ADAMTSL1: variants seen among roughly 807,000 people sequenced by gnomAD.
The protein encoded by ADAMTSL1 is ADAMTS like 1.
ADAMTSL1 carries 126 observed loss-of-function variants against 201.8 expected under a neutral mutation model. That is an observed-to-expected ratio of 0.62 (90% CI 0.54 to 0.72). ADAMTSL1 has a LOEUF of 0.72. Ranked by LOEUF, ADAMTSL1 falls within the 30% of genes least tolerant of loss-of-function variation. The pLI, the probability that ADAMTSL1 is intolerant of heterozygous loss-of-function variation, is 0.00. For missense variants in ADAMTSL1, 2,679 were observed against 2,277.8 expected (o/e 1.18, Z -3.59); for synonymous variants, 1,121 against 903.4 (o/e 1.24, Z -4.32).
At chr9:18,196,311 A>ATG (rs371763014) in intron 2 of ADAMTSL1, among the ~76,000 whole-genome samples, 22 of 151,430 alleles carry the variant, frequency 1.5e-4, no homozygotes, top group Non-Finnish European at 2.5e-4. Flanking sequence ...GCATACGTGT[A>ATG]TGTGTGTGTG....
chr9:18,574,507 T>A (rs1265665330), intron 4 of ADAMTSL1: 2 of 583,576 alleles, frequency 3.4e-6, no homozygotes, highest in Non-Finnish European at 6.1e-6. Flanking sequence ...TATAAAAGAA[T>A]AAAAATTTTT....
intron 2 of ADAMTSL1, among the ~76,000 whole-genome samples, chr9:18,229,521 A>G (rs1193103181): frequency 1.3e-5 from 2 of 152,060 alleles, no homozygotes; most frequent in Non-Finnish European, 2.9e-5. Context: ...TTCTCTAAAG[A>G]AGAGTCTGTC....
At chr9:18,399,150 C>G (rs1225150853) in intron 2 of ADAMTSL1, among the ~76,000 whole-genome samples, 1 of 151,150 alleles carries the variant, frequency 6.6e-6, no homozygotes, top group Non-Finnish European at 1.5e-5. Flanking sequence ...CTGTTCACTG[C>G]CAAGTGTCAG....
At chr9:18,026,703 G>A (rs1820711205) in intron 1 of ADAMTSL1, among the ~76,000 whole-genome samples, 2 of 152,022 alleles carry the variant, frequency 1.3e-5, no homozygotes, top group Admixed American at 6.6e-5. Context: ...TTGGTATCAG[G>A]ACAATGCTGG....
At chr9:18,753,817 G>A (rs1819599027) in intron 16 of ADAMTSL1, among the ~76,000 whole-genome samples, 1 of 152,194 alleles carries the variant, frequency 6.6e-6, no homozygotes, top group Non-Finnish European at 1.5e-5. Context: ...TCAAGACAAT[G>A]TGGTGGGTTT....
chr9:18,154,225 T>C (rs1827046322), intron 1 of ADAMTSL1, among the ~76,000 whole-genome samples: 1 of 152,072 alleles, frequency 6.6e-6, no homozygotes, highest in Admixed American at 6.6e-5. Context: ...ATTGACCTAT[T>C]GTTATGTAAT....
intron 2 of ADAMTSL1, among the ~76,000 whole-genome samples, chr9:18,289,479 C>G (rs539050592): frequency 1.3e-5 from 2 of 152,318 alleles, no homozygotes; most frequent in Admixed American, 6.5e-5. Flanking sequence ...TGCAATGATA[C>G]AGAGTTCAGC....
intron 1 of ADAMTSL1, among the ~76,000 whole-genome samples, chr9:18,073,478 G>A (rs1052667861): frequency 6.6e-6 from 1 of 152,156 alleles, no homozygotes; most frequent in African/African-American, 2.4e-5. Flanking sequence ...CATTTACAGA[G>A]GAAATTACAT....
chr9:17,957,045 C>G (rs1827959897), intron 1 of ADAMTSL1, among the ~76,000 whole-genome samples: 2 of 152,010 alleles, frequency 1.3e-5, no homozygotes, highest in South Asian at 2.1e-4. Context: ...ACATATTTTC[C>G]TAGATTTTCA....
chr9:18,620,345 T>C (rs1158661653), intron 4 of ADAMTSL1, among the ~76,000 whole-genome samples: 1 of 152,188 alleles, frequency 6.6e-6, no homozygotes, highest in East Asian at 1.9e-4. Context: ...GATTGTAAAG[T>C]CTCATGAGAG....
At chr9:18,190,622 A>T (rs1299969745) in intron 2 of ADAMTSL1, among the ~76,000 whole-genome samples, 1 of 152,208 alleles carries the variant, frequency 6.6e-6, no homozygotes, top group East Asian at 1.9e-4. Context: ...GCTTTCTCCA[A>T]ATTTGAACCC....
At chr9:18,501,006 T>C (rs1822803326) in intron 1 of ADAMTSL1, among the ~76,000 whole-genome samples, 1 of 152,184 alleles carries the variant, frequency 6.6e-6, no homozygotes, top group African/African-American at 2.4e-5. Context: ...AATATTACAT[T>C]TATCTGACGA....
At chr9:18,523,142 G>A (rs531152705) in intron 2 of ADAMTSL1, among the ~76,000 whole-genome samples, 1 of 152,290 alleles carries the variant, frequency 6.6e-6, no homozygotes, top group Non-Finnish European at 1.5e-5. Context: ...TCTAACTGGT[G>A]TGAGATGGTA....
intron 4 of ADAMTSL1, among the ~76,000 whole-genome samples, chr9:18,604,221 G>T (rs899818047): frequency 1.3e-5 from 2 of 152,208 alleles, no homozygotes; most frequent in East Asian, 3.8e-4. Context: ...AAGGGGCATA[G>T]GCTGCAAGCT....
intron 2 of ADAMTSL1, among the ~76,000 whole-genome samples, chr9:18,513,191 T>C (rs1445391702): frequency 1.3e-5 from 2 of 152,202 alleles, no homozygotes; most frequent in Non-Finnish European, 2.9e-5. Flanking sequence ...CTCAACCAAA[T>C]TTGAAGTGTT....
At chr9:18,386,939 C>G (rs998493782) in intron 2 of ADAMTSL1, among the ~76,000 whole-genome samples, 1 of 152,034 alleles carries the variant, frequency 6.6e-6, no homozygotes, top group Non-Finnish European at 1.5e-5. Context: ...TCTATGCTTT[C>G]ATGGACAAAA....
Position 18,480,163 on chromosome 9 carries a change from C to T in ADAMTSL1, c.63+5868C>T, listed in dbSNP as rs192533383. ...AAAACTTGAAGGTACTTAAAATAAA[C>T]TCTCATGTTAGCAGAGACAATGCTG... On this transcript the variant is annotated intron_variant, in intron 1 of 28. Coordinates refer to ENST00000380548, the MANE Select transcript of ADAMTSL1 (RefSeq NM_001040272.6). Among the ~76,000 whole-genome samples, 3 of 152,254 alleles carry T rather than the reference C, an allele frequency of 2.0e-5. No homozygotes were observed. The East Asian group carries it at 5.8e-4, about 29-fold the overall frequency.
chr9:18,081,683 T>C (rs1360819431), intron 1 of ADAMTSL1, among the ~76,000 whole-genome samples: 2 of 152,232 alleles, frequency 1.3e-5, no homozygotes, highest in East Asian at 3.8e-4. Flanking sequence ...TGCTTTCTCA[T>C]TTTGTTTGTA....
intron 2 of ADAMTSL1, among the ~76,000 whole-genome samples, chr9:18,234,000 T>G (rs1830745573): frequency 6.6e-6 from 1 of 152,136 alleles, no homozygotes; most frequent in East Asian, 1.9e-4. Context: ...CACTTGACTG[T>G]GGGAGGCAGA....
Sources: allele counts gnomAD v4.1 joint callset (sites outside exome capture counted in the v4.1 genomes callset), GRCh38; gene constraint gnomAD v4.1.1; transcripts MANE v1.5; gene names NCBI Gene and HGNC (gene_info 2026-07-23, HGNC 2026-07-21).